The following RXFP2 variants were observed in gnomAD, a reference collection of about 807,000 sequenced individuals.
RXFP2 encodes the protein relaxin receptor 2.
In RXFP2, 68 loss-of-function variants were observed where a neutral mutation model predicts 88.6. That is an observed-to-expected ratio of 0.77 (90% confidence interval 0.63 to 0.94). RXFP2 has a LOEUF of 0.94. Among genes scored for constraint, RXFP2 ranks in the 40% least tolerant of loss-of-function variants. The pLI, the probability that RXFP2 is intolerant of heterozygous loss-of-function variation, is 0.00. For synonymous variants in RXFP2, 329 were observed against 306.8 expected (o/e 1.07, Z -0.76); for missense variants, 791 against 893.9 (o/e 0.88, Z 1.47).
Position 31,754,077 on chromosome 13 carries a change from T to G in RXFP2, c.95-4181T>G, listed in dbSNP as rs144022320. ...GTACATGTTCAGTCTCTTCCTCCCC[T>G]TCTTTGTCCACACTTGTTAGATGCA... On this transcript the variant is annotated intron_variant, in intron 1 of 17. Transcript: ENST00000298386. Among the ~76,000 whole-genome samples, 194 of 152,352 alleles carry G rather than the reference T, an allele frequency of 1.3e-3. 3 individuals are homozygous for G. In the East Asian group the frequency reaches 0.032, roughly 25 times the overall value.
At chr13:31,778,670 C>T (rs1045127278) in intron 9 of RXFP2, 87 bp downstream of exon 9, 1 of 954,810 alleles carries the variant, frequency 1.0e-6, no homozygotes, top group Non-Finnish European at 1.7e-6. Flanking sequence ...CTAGAAAGTC[C>T]ATCTATAATT....
intron 13 of RXFP2, among the ~76,000 whole-genome samples, chr13:31,788,033 G>A (rs112031267): frequency 0.02 from 3,016 of 152,042 alleles, 92 homozygotes; most frequent in African/African-American, 0.07. Context: ...TTAGCACTTG[G>A]GATACAGTGG....
At position 31,761,728 on chromosome 13, in the gene RXFP2, C is replaced by T. The variant is rs765276273; in HGVS notation, c.246C>T (p.Asp82=). ...ATCTCAATCACTATTTCACAGGTGA[C>T]ACTAGTGGATGGGCGACCATATTTG... The part of the protein sequence containing the change: ...GNGADEENCG[D]TSGWATIFGT... The change falls in exon 3 of 18, where the codon GAC becomes GAT. Residue 82 remains aspartate (D), a synonymous_variant. Coordinates refer to ENST00000298386, the MANE Select transcript of RXFP2 (RefSeq NM_130806.5). 7.5e-6 allele frequency: 12 copies of T among 1,606,142 alleles called. No homozygotes were observed. The highest frequency in any genetic ancestry group is 1.3e-5 in the African/African-American group (1 of 74,770).
At position 31,770,816 on chromosome 13, in the gene RXFP2, C is replaced by T. The variant is rs1012200503; in HGVS notation, c.498-3804C>T. ...TACCCTCCTCATGGGCTGGACAGTC[C>T]TCCTGGTTCTCTCTTAGTCTATTGA... is the stretch of plus-strand genomic sequence containing the variant. On this transcript the variant is annotated intron_variant, in intron 5 of 17. Transcript: ENST00000298386. 2.0e-5 allele frequency among the ~76,000 whole-genome samples: 3 copies of T among 152,172 alleles called. No individual in the cohort carries two copies. The South Asian group carries it at 6.2e-4, about 32-fold the overall frequency.
At chr13:31,782,900 A>C (rs1257943707) in intron 11 of RXFP2, among the ~76,000 whole-genome samples, 153 bp downstream of exon 11, 1 of 152,204 alleles carries the variant, frequency 6.6e-6, no homozygotes, top group Admixed American at 6.5e-5. Context: ...ATTATCCTGA[A>C]GTCCAAAGCA....
At chr13:31,799,457 C>T (rs1347207465) in intron 17 of RXFP2, among the ~76,000 whole-genome samples, 1 of 152,124 alleles carries the variant, frequency 6.6e-6, no homozygotes, top group Non-Finnish European at 1.5e-5. Flanking sequence ...AGTGATCTGC[C>T]CCCTGCTTTG....
At chr13:31,780,770 C>A (rs759973750) in intron 9 of RXFP2, among the ~76,000 whole-genome samples, 3 of 152,176 alleles carry the variant, frequency 2.0e-5, no homozygotes, top group Non-Finnish European at 2.9e-5. Flanking sequence ...CACTGACCTG[C>A]AGAATTACCT....
At chr13:31,801,272 T>A (rs2138474762) in intron 17 of RXFP2, among the ~76,000 whole-genome samples, 1 of 152,198 alleles carries the variant, frequency 6.6e-6, no homozygotes, top group South Asian at 2.1e-4. Flanking sequence ...AGTAGCGTCC[T>A]GTGGTAAGGT....
In RXFP2 at chr13:31,739,531, A is replaced by G. The variant is rs943988664; in HGVS notation, c.-82A>G. 2.5e-5 allele frequency: 21 copies of G among 847,272 alleles called. No individual in the cohort carries two copies. In the African/African-American group the frequency reaches 3.3e-4, roughly 13 times the overall value. 52.5% of individuals were successfully genotyped at this position (847,272 alleles called of 1,614,324 possible). ...TTCTAGCTGTGAGCATGCTCAGAAC[A>G]TGGGAGGCACTGAACTTACTACATC... On this transcript the variant is annotated 5_prime_UTR_variant, in exon 1 of 18. The change abolishes an upstream ATG in the 5' untranslated region. Coordinates refer to ENST00000298386, the MANE Select transcript of RXFP2 (RefSeq NM_130806.5).
intron 8 of RXFP2, among the ~76,000 whole-genome samples, chr13:31,778,121 A>G (rs1593462657): frequency 6.6e-6 from 1 of 152,178 alleles, no homozygotes; most frequent in East Asian, 1.9e-4. Flanking sequence ...GTGGCCCTTT[A>G]ATATTATAAA....
At chr13:31,758,083 T>TAAAAATA (rs1030108759) in intron 1 of RXFP2, among the ~76,000 whole-genome samples, 175 bp from the exon 2 acceptor site, 2 of 152,084 alleles carry the variant, frequency 1.3e-5, no homozygotes, top group African/African-American at 2.4e-5. Context: ...AGACTCCGTC[T>TAAAAATA]AAAAATAAAA....
At chr13:31,773,908 T>G (rs965383934) in intron 5 of RXFP2, among the ~76,000 whole-genome samples, 4 of 152,200 alleles carry the variant, frequency 2.6e-5, no homozygotes, top group Non-Finnish European at 4.4e-5. Flanking sequence ...TTCCTGCCCC[T>G]GAGAGCCTTC....
chr13:31,745,253 A>G (rs1871363008), intron 1 of RXFP2, among the ~76,000 whole-genome samples: 1 of 152,104 alleles, frequency 6.6e-6, no homozygotes, highest in Non-Finnish European at 1.5e-5. Flanking sequence ...TAAAGTTGGA[A>G]GAATGTTTCT....
At chr13:31,785,409 C>T (rs550792530) in intron 11 of RXFP2, among the ~76,000 whole-genome samples, 2 of 152,112 alleles carry the variant, frequency 1.3e-5, no homozygotes, top group African/African-American at 2.4e-5. Context: ...TTTACACCCA[C>T]CTGAGAAGCT....
intron 5 of RXFP2, among the ~76,000 whole-genome samples, chr13:31,771,203 GT>G (rs1331160495): frequency 6.6e-6 from 1 of 152,202 alleles, no homozygotes. Flanking sequence ...GCATATTTAA[GT>G]TGTATTGGGA....
At chr13:31,786,232 A>G in intron 11 of RXFP2, 151 bp from the exon 12 acceptor site, 2 of 708,254 alleles carry the variant, frequency 2.8e-6, no homozygotes, top group Admixed American at 2.0e-5. Flanking sequence ...TGGCTGACTC[A>G]TACGGCCCTG....
At chr13:31,755,354 G>A (rs570536607) in intron 1 of RXFP2, among the ~76,000 whole-genome samples, 8 of 152,140 alleles carry the variant, frequency 5.3e-5, no homozygotes, top group African/African-American at 1.7e-4. Flanking sequence ...GTGATATTTC[G>A]GGAAATTTTG....
chr13:31,792,077 GT>G (rs1321779255), intron 15 of RXFP2, 42 bp downstream of exon 15: 1 of 1,413,904 alleles, frequency 7.1e-7, no homozygotes, highest in African/African-American at 1.4e-5. Flanking sequence ...GATATCTTCT[GT>G]GAGTTGTGCA....
chr13:31,770,403 T>C (rs1397134608), intron 5 of RXFP2, among the ~76,000 whole-genome samples: 1 of 152,210 alleles, frequency 6.6e-6, no homozygotes, highest in Non-Finnish European at 1.5e-5. Context: ...CATTTCTCAA[T>C]TTCTGGGAGA....
Sources: gnomAD v4.1 joint callset for allele counts (sites outside exome capture counted in the v4.1 genomes callset) on GRCh38, gnomAD v4.1.1 for gene constraint, MANE v1.5 for transcripts, NCBI Gene and HGNC (gene_info 2026-07-23, HGNC 2026-07-21) for gene names.